The following PTPRR variants were observed in gnomAD, a reference collection of about 807,000 sequenced individuals.
PTPRR encodes receptor-type tyrosine-protein phosphatase R.
PTPRR carries 38 observed loss-of-function variants against 77.2 expected under a neutral mutation model. The ratio of observed to expected loss-of-function variants is 0.49; its 90% CI spans 0.38 to 0.65. The LOEUF is 0.65. Among genes scored for constraint, PTPRR ranks in the 30% least tolerant of loss-of-function variants. PTPRR has a pLI of 0.00. For missense variants in PTPRR, 744 were observed against 799.2 expected, an observed-to-expected ratio of 0.93 and a Z score of 0.83; for synonymous variants, 299 against 283.1, an observed-to-expected ratio of 1.06 and a Z score of -0.57.
At chr12:70,892,468 G>A (rs531112898) in intron 2 of PTPRR, among the ~76,000 whole-genome samples, 8 of 152,130 alleles carry the variant, frequency 5.3e-5, no homozygotes, top group Non-Finnish European at 7.4e-5. Context: ...TGCTATGAGC[G>A]GAGGATACAG....
At position 70,792,637 on chromosome 12, in the gene PTPRR, TA is replaced by T. The variant is rs543211623; in HGVS notation, c.358-27860del. Among the ~76,000 whole-genome samples the T allele has an allele frequency of 6.6e-4, 100 of 152,308 alleles. 1 individual carries two copies. The highest frequency in any genetic ancestry group is 2.4e-3 in the African/African-American group (99 of 41,568). ...TTCAAATAATTTTCAAATTCTCATA[TA>T]GGGGATAGGTATTAAGAAAAACACT... On this transcript the variant is annotated intron_variant, in intron 2 of 13. Coordinates refer to ENST00000283228, the MANE Select transcript of PTPRR (RefSeq NM_002849.4).
At chr12:70,798,336 T>TA (rs1891552182) in intron 2 of PTPRR, among the ~76,000 whole-genome samples, 1 of 152,228 alleles carries the variant, frequency 6.6e-6, no homozygotes, top group Admixed American at 6.5e-5. Flanking sequence ...GGGATACTAT[T>TA]ATAGCATCCC....
chr12:70,880,546 T>A (rs941623737), intron 2 of PTPRR, among the ~76,000 whole-genome samples: 6 of 152,204 alleles, frequency 3.9e-5, no homozygotes, highest in Non-Finnish European at 7.4e-5. Context: ...GAAATTATCA[T>A]GTTCATTTGT....
intron 2 of PTPRR, among the ~76,000 whole-genome samples, chr12:70,767,740 T>C (rs1213726391): frequency 6.6e-6 from 1 of 152,128 alleles, no homozygotes; most frequent in African/African-American, 2.4e-5. Flanking sequence ...CCACACCTGT[T>C]CCAAAATTGA....
At chr12:70,748,827 T>C (rs927426285) in intron 5 of PTPRR, among the ~76,000 whole-genome samples, 1 of 152,196 alleles carries the variant, frequency 6.6e-6, no homozygotes, top group African/African-American at 2.4e-5. Context: ...CTGAAAGAGT[T>C]CATTCACTCT....
At chr12:70,884,898 T>TAAAAAAAAAAAAA (rs1893212543) in intron 2 of PTPRR, among the ~76,000 whole-genome samples, 3 of 112,670 alleles carry the variant, frequency 2.7e-5, no homozygotes, top group African/African-American at 1.1e-4. Flanking sequence ...AAAAAAAAAG[T>TAAAAAAAAAAAAA]TTTGCAGGCT....
At chr12:70,866,791 C>A (rs1200857728) in intron 2 of PTPRR, among the ~76,000 whole-genome samples, 1 of 152,140 alleles carries the variant, frequency 6.6e-6, no homozygotes, top group Non-Finnish European at 1.5e-5. Flanking sequence ...CAATAAAATA[C>A]TGGCAAAACG....
chr12:70,812,803 A>T (rs1891833075), intron 2 of PTPRR, among the ~76,000 whole-genome samples: 1 of 152,176 alleles, frequency 6.6e-6, no homozygotes, highest in Admixed American at 6.5e-5. Flanking sequence ...TTATTCTTGC[A>T]GATAGGTTTC....
Position 70,684,921 on chromosome 12 carries a change from T to C in PTPRR, c.1280-138A>G, listed in dbSNP as rs116007905. The C allele has an allele frequency of 4.5e-3, 2,594 of 571,582 alleles. 60 individuals carry two copies. Among genetic ancestry groups the C allele is most frequent in the African/African-American group, 0.044 (2,264 of 51,864 alleles). 35.4% of individuals were successfully genotyped at this position (571,582 alleles called of 1,614,324 possible). The stretch of plus-strand genomic sequence containing the variant: ...TGTCAATGTTTGTCTTTGGTGTCCA[T>C]TGCTTGATCCATATGTTTATTGAGG... On this transcript the variant is annotated intron_variant, in intron 8 of 13. Transcript: ENST00000283228.
chr12:70,765,057 A>G (rs6581965), intron 2 of PTPRR, among the ~76,000 whole-genome samples: 56,840 of 152,088 alleles, frequency 0.37, 12,909 homozygotes, highest in African/African-American at 0.64. Context: ...GAACAGCTCC[A>G]GTCTACAGCT....
chr12:70,891,706 C>T (rs1194670344), intron 2 of PTPRR, among the ~76,000 whole-genome samples: 2 of 151,802 alleles, frequency 1.3e-5, no homozygotes, highest in African/African-American at 4.8e-5. Flanking sequence ...TAGCTGAAAA[C>T]ATTGACGAAT....
chr12:70,764,873 T>G, intron 2 of PTPRR, 95 bp from the exon 3 acceptor site: 1 of 921,686 alleles, frequency 1.1e-6, no homozygotes, highest in Non-Finnish European at 1.7e-6. Flanking sequence ...GTTCACGACA[T>G]TCAGTTCTTG....
In PTPRR at chr12:70,759,689, A is replaced by C. The variant is rs1319320538; in HGVS notation, c.627+1782T>G. Reference sequence around the variant, plus strand: ...AGCAAGACTCCGTCTTAAAAAAAAAAAAAAAAAAAAAAAAAAACAAACGAA... The same window carrying C: ...AGCAAGACTCCGTCTTAAAAAAAAACAAAAAAAAAAAAAAAAACAAACGAA... On this transcript the variant is annotated intron_variant, in intron 4 of 13. Coordinates refer to ENST00000283228, the MANE Select transcript of PTPRR (RefSeq NM_002849.4). 1.3e-5 allele frequency among the ~76,000 whole-genome samples: 2 copies of C among 149,376 alleles called. 1 individual carries two copies. The highest frequency in any genetic ancestry group is 4.9e-5 in the African/African-American group (2 of 40,704).
intron 2 of PTPRR, among the ~76,000 whole-genome samples, chr12:70,820,713 C>T (rs1434530253): frequency 6.6e-6 from 1 of 152,168 alleles, no homozygotes; most frequent in Non-Finnish European, 1.5e-5. Flanking sequence ...CCTGTTAAGC[C>T]AGTTTAGAGA....
chr12:70,708,824 A>G (rs1443501440), intron 6 of PTPRR, among the ~76,000 whole-genome samples: 2 of 151,742 alleles, frequency 1.3e-5, no homozygotes, highest in African/African-American at 4.8e-5. Flanking sequence ...AAACACACAC[A>G]CACACACACA....
intron 2 of PTPRR, among the ~76,000 whole-genome samples, chr12:70,887,733 A>C (rs1168145013): frequency 6.6e-6 from 1 of 152,114 alleles, no homozygotes; most frequent in African/African-American, 2.4e-5. Context: ...AGGCCAGAGC[A>C]GTTTGCAGGG....
chr12:70,826,391 A>G (rs977412787), intron 2 of PTPRR, among the ~76,000 whole-genome samples: 1 of 152,154 alleles, frequency 6.6e-6, no homozygotes, highest in Non-Finnish European at 1.5e-5. Context: ...GATGGGGCTC[A>G]TGCTGAGCAC....
chr12:70,837,742 G>GATTA (rs1437579382), intron 2 of PTPRR, among the ~76,000 whole-genome samples: 1 of 152,000 alleles, frequency 6.6e-6, no homozygotes, highest in Non-Finnish European at 1.5e-5. Flanking sequence ...AAGGCATGAT[G>GATTA]ATTAAGTCAT....
Position 70,745,877 on chromosome 12 carries a change from G to A in PTPRR, c.948C>T (p.Thr316=), listed in dbSNP as rs780305215. Residue 316 remains threonine (T), a synonymous_variant, in exon 6 of 14, where the codon ACC becomes ACT. Coordinates refer to ENST00000283228, the MANE Select transcript of PTPRR (RefSeq NM_002849.4). ...GAGAAGGGCAAACAGAGGTAGCGGT[G>A]GTAGCTTTGATCTCAGGAGCACCTC... ...QGRGAPEIKA[T]TATSVCPSPF... 4 of 1,614,034 alleles carry A rather than the reference G, an allele frequency of 2.5e-6. No homozygotes were observed. Among genetic ancestry groups the A allele is most frequent in the Non-Finnish European group, 3.4e-6 (4 of 1,179,984 alleles).
Sources: allele counts gnomAD v4.1 joint callset (sites outside exome capture counted in the v4.1 genomes callset), GRCh38; gene constraint gnomAD v4.1.1; transcripts MANE v1.5; gene names NCBI Gene and HGNC (gene_info 2026-07-23, HGNC 2026-07-21).